Variants in CSNK1A1L observed in about 807,000 individuals in gnomAD.
The protein encoded by CSNK1A1L is casein kinase I isoform alpha-like.
In CSNK1A1L, 20 loss-of-function variants were observed where a neutral mutation model predicts 24.6. The ratio of observed to expected loss-of-function variants is 0.81; its 90% CI spans 0.57 to 1.18. The LOEUF is 1.18. CSNK1A1L is among the 50% of genes most tolerant of loss of function. The pLI is 0.00. For synonymous variants in CSNK1A1L, 152 were observed against 154.0 expected, an observed-to-expected ratio of 0.99 and a Z score of 0.09; for missense variants, 414 against 419.0, an observed-to-expected ratio of 0.99 and a Z score of 0.10.
At position 37,105,272 on chromosome 13, in the gene CSNK1A1L, T is replaced by A. The variant is rs778391632; in HGVS notation, c.-16A>T. On this transcript the variant is annotated 5_prime_UTR_variant, in exon 1 of 1. Transcript: ENST00000379800. Reference sequence around the variant, plus strand: ...TGTTTGTCATCCTGAGAGGCAAAGATGGAGGCTGGGCTCAGCCCTGACCCC... The same window carrying A: ...TGTTTGTCATCCTGAGAGGCAAAGAAGGAGGCTGGGCTCAGCCCTGACCCC... 3.1e-6 allele frequency: 5 copies of A among 1,607,894 alleles called. No homozygotes were observed. Among genetic ancestry groups the A allele is most frequent in the Non-Finnish European group, 4.2e-6 (5 of 1,176,614 alleles).
Position 37,104,541 on chromosome 13 carries a change from T to C in CSNK1A1L, c.716A>G (p.Lys239Arg). 1 of 1,614,226 alleles carries C rather than the reference T, an allele frequency of 6.2e-7. No individual in the cohort carries two copies. Among genetic ancestry groups the C allele is most frequent in the Non-Finnish European group, 8.5e-7 (1 of 1,180,048 alleles). Residue 239 changes from lysine to arginine, a missense_variant, in exon 1 of 1, where the codon AAG becomes AGG. Coordinates refer to ENST00000379800, the MANE Select transcript of CSNK1A1L (RefSeq NM_145203.6). Reference sequence around the variant, plus strand: ...AACTTCAACAGGGGTGGACATCTTCTTCTCACTAATCTTTTCATATTTTTG... The same window carrying C: ...AACTTCAACAGGGGTGGACATCTTCCTCTCACTAATCTTTTCATATTTTTG... ...KKQKYEKISE[K>R]KMSTPVEVLC... is the part of the protein sequence containing the mutation.
In CSNK1A1L at chr13:37,105,435, C is replaced by G. The variant is rs1446081253; in HGVS notation, c.-179G>C. 11 of 623,254 alleles carry G rather than the reference C, an allele frequency of 1.8e-5. No individual in the cohort carries two copies. The highest frequency in any genetic ancestry group is 1.3e-4 in the African/African-American group (7 of 54,110). The allele number at this position is 623,254 out of a possible 1,614,324, so 38.6% of individuals were successfully genotyped here. ...TGATCCCTGCAGCACACCAGGATTT[C>G]CGCCAGGCCACAGTTTGCGAGGGTT... On this transcript the variant is annotated 5_prime_UTR_variant, in exon 1 of 1. Coordinates refer to ENST00000379800, the MANE Select transcript of CSNK1A1L (RefSeq NM_145203.6).
chr13:37,104,019 T>G lies in CSNK1A1L; in HGVS notation c.*224A>C. On this transcript the variant is annotated 3_prime_UTR_variant, in exon 1 of 1. Transcript: ENST00000379800. The stretch of plus-strand genomic sequence containing the variant: ...GCAATAGAAAACCAGACACCACGTT[T>G]CACTACCTCAGTTAATATTCACAAT... 6.7e-6 allele frequency: 4 copies of G among 594,786 alleles called. No individual in the cohort carries two copies. In the South Asian group the frequency reaches 8.5e-5, roughly 13 times the overall value. 36.8% of individuals were successfully genotyped at this position (594,786 alleles called of 1,614,324 possible). A position where few individuals can be genotyped will look rare whatever the true frequency, so the allele number is the denominator to read the frequency against.
In CSNK1A1L at chr13:37,105,514, C is replaced by T. The variant is rs1199976; in HGVS notation, c.-258G>A. ...TCTTTCTCGGTGGCGGTCGCTGCCT[C>T]GCTGTCGTGGCGATGTCGTGGGCTG... On this transcript the variant is annotated 5_prime_UTR_variant, in exon 1 of 1. Transcript: ENST00000379800. 4,933 of 471,204 alleles carry T rather than the reference C, an allele frequency of 0.01. 200 individuals are homozygous for T. Among genetic ancestry groups the T allele is most frequent in the African/African-American group, 0.088 (4,490 of 50,758 alleles). The allele number at this position is 471,204 out of a possible 1,614,324, so 29.2% of individuals were successfully genotyped here.
chr13:37,105,352 G>A lies in CSNK1A1L; in HGVS notation c.-96C>T. 3 of 1,391,004 alleles carry A rather than the reference G, an allele frequency of 2.2e-6. No homozygotes were observed. Among genetic ancestry groups the A allele is most frequent in the Non-Finnish European group, 2.9e-6 (3 of 1,018,904 alleles). 86.2% of individuals were successfully genotyped at this position (1,391,004 alleles called of 1,614,324 possible). The stretch of plus-strand genomic sequence containing the variant: ...CACCGGCCCGCAAGGCTGAGGATGA[G>A]GGCTGCTGGAAATGGCCACCGAGGC... On this transcript the variant is annotated 5_prime_UTR_variant, in exon 1 of 1. Coordinates refer to ENST00000379800, the MANE Select transcript of CSNK1A1L (RefSeq NM_145203.6).
In CSNK1A1L at chr13:37,105,028, G is replaced by A. The variant is rs368176940; in HGVS notation, c.229C>T (p.His77Tyr). The A allele has an allele frequency of 5.3e-5, 86 of 1,614,004 alleles. No homozygotes were observed. The highest frequency in any genetic ancestry group is 6.9e-5 in the Non-Finnish European group (81 of 1,180,036). Residue 77 changes from histidine (H) to tyrosine (Y), a missense_variant, in exon 1 of 1, where the codon CAC becomes TAC. Coordinates refer to ENST00000379800, the MANE Select transcript of CSNK1A1L (RefSeq NM_145203.6). The stretch of plus-strand genomic sequence containing the variant: ...TTGTCTTTTTCCTGACCATACCAGT[G>A]CATGTGGGGGATGCCAACCCCACCT... ...LQGGVGIPHM[H>Y]WYGQEKDNNV... is the part of the protein sequence containing the mutation.
rs574598929 is a variant in CSNK1A1L at position 37,103,735 on chromosome 13, A to G, written c.*508T>C. 6.1e-6 allele frequency: 1 copy of G among 164,156 alleles called. No individual in the cohort carries two copies. The highest frequency in any genetic ancestry group is 1.6e-4 in the South Asian group (1 of 6,408). The allele number at this position is 164,156 out of a possible 1,614,324, so 10.2% of individuals were successfully genotyped here. On this transcript the variant is annotated 3_prime_UTR_variant, in exon 1 of 1. Coordinates refer to ENST00000379800, the MANE Select transcript of CSNK1A1L (RefSeq NM_145203.6). ...TGGTTACTACTAGATCAGCTGGCTT[A>G]CAGACAAGAAGCCAACCATTTTAAG...
At chr13:37,105,232 CTTTGGAGCCGCTGTTG>C in the CSNK1A1L span, 1 of 1,613,834 alleles carries the variant, frequency 6.2e-7, no homozygotes, top group Non-Finnish European at 8.5e-7. Context: ...ACGAGTTCGG[CTTTGGAGCCGCTGTTG>C]TTTGTCATCC....
In CSNK1A1L at chr13:37,104,962, C is replaced by T; in HGVS notation, c.295G>A (p.Asp99Asn). The T allele has an allele frequency of 1.2e-6, 2 of 1,614,044 alleles. No individual in the cohort carries two copies. Among genetic ancestry groups the T allele is most frequent in the South Asian group, 2.2e-5 (2 of 91,068 alleles). Residue 99 changes from aspartate to asparagine, a missense_variant, in exon 1 of 1, where the codon GAC becomes AAC. Coordinates refer to ENST00000379800, the MANE Select transcript of CSNK1A1L (RefSeq NM_145203.6). ...VMDLLGPSLE[D>N]LFNFCSRRFT... ...CTTCTTGAACAGAAATTAAAGAGGT[C>T]TTCGAGGCTGGGTCCCAGAAGGTCC...
In CSNK1A1L at chr13:37,104,062, G is replaced by T; in HGVS notation, c.*181C>A. On this transcript the variant is annotated 3_prime_UTR_variant, in exon 1 of 1. Transcript: ENST00000379800. ...TTCACAATTACAGAGGCTACACTTT[G>T]GGATACAGCATCACCAACGCTCCCC... is the stretch of plus-strand genomic sequence containing the variant. 2.9e-6 allele frequency: 2 copies of T among 689,344 alleles called. No homozygotes were observed. The highest frequency in any genetic ancestry group is 4.8e-6 in the Non-Finnish European group (2 of 412,380). 42.7% of individuals were successfully genotyped at this position (689,344 alleles called of 1,614,324 possible).
rs990250803 is a variant in CSNK1A1L, at chr13:37,103,803, A to T, written c.*440T>A. ...CAATTTGCAAACCCCAGGGATGGAG[A>T]AACCCTAAAAATGCTCAATCATAAG... On this transcript the variant is annotated 3_prime_UTR_variant, in exon 1 of 1. Coordinates refer to ENST00000379800, the MANE Select transcript of CSNK1A1L (RefSeq NM_145203.6). The T allele has an allele frequency of 5.1e-6, 1 of 196,530 alleles. No individual in the cohort carries two copies. Among genetic ancestry groups the T allele is most frequent in the African/African-American group, 2.4e-5 (1 of 42,156 alleles). The allele number at this position is 196,530 out of a possible 1,614,324, so 12.2% of individuals were successfully genotyped here.
Position 37,104,056 on chromosome 13 carries a change from C to G in CSNK1A1L, c.*187G>C. 1.5e-6 allele frequency: 1 copy of G among 669,310 alleles called. No homozygotes were observed. Among genetic ancestry groups the G allele is most frequent in the Non-Finnish European group, 2.5e-6 (1 of 395,760 alleles). 41.5% of individuals were successfully genotyped at this position (669,310 alleles called of 1,614,324 possible). On this transcript the variant is annotated 3_prime_UTR_variant, in exon 1 of 1. Coordinates refer to ENST00000379800, the MANE Select transcript of CSNK1A1L (RefSeq NM_145203.6). ...TTAATATTCACAATTACAGAGGCTA[C>G]ACTTTGGGATACAGCATCACCAACG...
chr13:37,105,608 G>A lies in CSNK1A1L; in HGVS notation c.-352C>T, dbSNP rs2070773509. 2 of 229,656 alleles carry A rather than the reference G, an allele frequency of 8.7e-6. No homozygotes were observed. Among genetic ancestry groups the A allele is most frequent in the Non-Finnish European group, 1.8e-5 (2 of 109,802 alleles). 14.2% of individuals were successfully genotyped at this position (229,656 alleles called of 1,614,324 possible). On this transcript the variant is annotated 5_prime_UTR_variant, in exon 1 of 1. Transcript: ENST00000379800. ...CGCTACCAACGGCTGTGGGCCAGAG[G>A]GCCCGGTCACGCCGCCGGCGCCGCC...
rs749248249 is a variant in CSNK1A1L, at chr13:37,104,603, G to A, written c.654C>T (p.Ser218=). 7.4e-6 allele frequency: 12 copies of A among 1,613,868 alleles called. 1 individual carries two copies. The South Asian group carries it at 1.2e-4, about 16-fold the overall frequency. ...GYVFMYFNRT[S]LPWQGLRAMT... ...TAGCCCTTAGTCCTTGCCACGGCAG[G>A]CTGGTTCTATTAAAATACATGAAAA... The change falls in exon 1 of 1, where the codon AGC becomes AGT. Residue 218 remains serine, a synonymous_variant. Coordinates refer to ENST00000379800, the MANE Select transcript of CSNK1A1L (RefSeq NM_145203.6).
rs753677756 is a variant in CSNK1A1L at position 37,104,700 on chromosome 13, C to T, written c.557G>A (p.Arg186Gln). 2.5e-6 allele frequency: 4 copies of T among 1,613,956 alleles called. No homozygotes were observed. The highest frequency in any genetic ancestry group is 3.3e-5 in the Admixed American group (2 of 59,980). ...REDKHLIGTVRYASINAHLGI... is the reference protein window; with the variant it reads ...REDKHLIGTVQYASINAHLGI... ...AAGATGTGCATTGATGCTGGCATAT[C>T]GGACAGTGCCAATGAGGTGTTTATC... The change falls in exon 1 of 1, where the codon CGA becomes CAA. Residue 186 changes from arginine (R) to glutamine (Q), a missense_variant. Coordinates refer to ENST00000379800, the MANE Select transcript of CSNK1A1L (RefSeq NM_145203.6).
In CSNK1A1L at chr13:37,104,460, A is replaced by C; in HGVS notation, c.797T>G (p.Leu266Arg). The part of the protein sequence containing the change: ...FAMYLNYCRG[L>R]RFEEVPDYMY... ...GTAATCTGGGACTTCCTCAAAGCGC[A>C]GCCCACGACAGTAGTTCAAGTACAT... is the stretch of plus-strand genomic sequence containing the variant. Residue 266 changes from leucine to arginine, a missense_variant, in exon 1 of 1, where the codon CTG becomes CGG. By Grantham distance (102) the Leu-to-Arg change is moderately radical (BLOSUM62 -2). Coordinates refer to ENST00000379800, the MANE Select transcript of CSNK1A1L (RefSeq NM_145203.6). 6.2e-7 allele frequency: 1 copy of C among 1,614,224 alleles called. No homozygotes were observed. The highest frequency in any genetic ancestry group is 8.5e-7 in the Non-Finnish European group (1 of 1,180,040).
Position 37,104,392 on chromosome 13 carries a change from T to G in CSNK1A1L, c.865A>C (p.Asn289His). The change falls in exon 1 of 1, where the codon AAC becomes CAC. Residue 289 changes from asparagine (N) to histidine (H), a missense_variant. Transcript: ENST00000379800. The part of the protein sequence containing the change: ...QLFRILFRTL[N>H]HQYDYTFDWT... ...TCAAATGTGTAGTCATATTGGTGGTTCAGGGTCCTGAAAAGAATGCGGAAT... is the reference window on the plus strand; with the variant it reads ...TCAAATGTGTAGTCATATTGGTGGTGCAGGGTCCTGAAAAGAATGCGGAAT... The G allele has an allele frequency of 1.2e-6, 2 of 1,614,174 alleles. No individual in the cohort carries two copies. The highest frequency in any genetic ancestry group is 1.1e-5 in the South Asian group (1 of 91,078).
At chr13:37,104,838 TCTGGTTTAATGTCTCGGTGTAGAAAATTC>T in the CSNK1A1L span, 2 of 1,614,076 alleles carry the variant, frequency 1.2e-6, no homozygotes, top group Non-Finnish European at 1.7e-6. Flanking sequence ...CAGGAAGTTA[TCTGGTTTAATGTCTCGGTGTAGAAAATTC>T]TTTGTATGCA....
Position 37,103,891 on chromosome 13 carries a change from C to A in CSNK1A1L, c.*352G>T. The A allele has an allele frequency of 3.0e-6, 1 of 336,150 alleles. No individual in the cohort carries two copies. The highest frequency in any genetic ancestry group is 2.9e-5 in the South Asian group (1 of 34,670). 20.8% of individuals were successfully genotyped at this position (336,150 alleles called of 1,614,324 possible). ...TTCTGAAATGATATCTCAAAGCAGT[C>A]TAGTTCAAAATAAAAGGTTTTAACA... On this transcript the variant is annotated 3_prime_UTR_variant, in exon 1 of 1. Coordinates refer to ENST00000379800, the MANE Select transcript of CSNK1A1L (RefSeq NM_145203.6).
Sources: allele counts gnomAD v4.1 joint callset, GRCh38; gene constraint gnomAD v4.1.1; transcripts MANE v1.5; gene names NCBI Gene and HGNC (gene_info 2026-07-23, HGNC 2026-07-21).